The following RBM26 variants were observed in gnomAD, a reference collection of about 807,000 sequenced individuals.
RBM26 encodes the protein RNA binding motif protein 26.
Under a neutral mutation model 123.6 loss-of-function variants are expected in RBM26, and 30 were observed. The observed-to-expected ratio is 0.24, with a 90% CI of 0.18 to 0.33. The LOEUF is 0.33. Ranked by LOEUF, RBM26 falls within the 10% of genes least tolerant of loss-of-function variation. The pLI, the probability that RBM26 is intolerant of heterozygous loss-of-function variation, is 1.00. For missense variants in RBM26, 947 were observed against 1,203.6 expected (o/e 0.79, Z 3.15); for synonymous variants, 400 against 404.4 (o/e 0.99, Z 0.13).
At chr13:79,328,617 A>G (rs2068792096) in intron 20 of RBM26, among the ~76,000 whole-genome samples, 1 of 150,336 alleles carries the variant, frequency 6.7e-6, no homozygotes, top group South Asian at 2.1e-4. Flanking sequence ...TACAGCATAA[A>G]TGAAAATTCA....
intron 16 of RBM26, among the ~76,000 whole-genome samples, chr13:79,343,535 T>C (rs2071784838): frequency 6.6e-6 from 1 of 151,894 alleles, no homozygotes; most frequent in African/African-American, 2.4e-5. Context: ...CATTTTGAAA[T>C]GTCATACTAC....
At chr13:79,352,345 C>G (rs559852157) in intron 14 of RBM26, among the ~76,000 whole-genome samples, 2 of 152,126 alleles carry the variant, frequency 1.3e-5, no homozygotes, top group Non-Finnish European at 2.9e-5. Context: ...AATCATAACA[C>G]TGTTTGGGCC....
intron 1 of RBM26, among the ~76,000 whole-genome samples, chr13:79,393,567 T>C (rs1201835047): frequency 6.6e-6 from 1 of 152,180 alleles, no homozygotes; most frequent in Non-Finnish European, 1.5e-5. Context: ...TCCCTACTTG[T>C]AAGAGACCTG....
At chr13:79,311,910 TATAA>T (rs1370070272) in exon 5 of RBM26, 5 of 152,044 alleles carry the variant, frequency 3.3e-5, no homozygotes, top group East Asian at 1.9e-4. Context: ...ATAATTCAAC[TATAA>T]ATAATAAAAA....
chr13:79,342,441 A>G (rs867218381), intron 17 of RBM26, among the ~76,000 whole-genome samples: 8 of 151,924 alleles, frequency 5.3e-5, no homozygotes, highest in Middle Eastern at 6.8e-3. Context: ...AAGGTTACCC[A>G]TGACTATTTT....
intron 1 of RBM26, among the ~76,000 whole-genome samples, chr13:79,384,690 C>T (rs1566555017): frequency 6.6e-6 from 1 of 152,130 alleles, no homozygotes; most frequent in Non-Finnish European, 1.5e-5. Context: ...GAAGTACACA[C>T]ACTAAAGTTA....
intron 14 of RBM26, among the ~76,000 whole-genome samples, chr13:79,351,918 T>A (rs889749651): frequency 2.0e-5 from 3 of 152,262 alleles, no homozygotes; most frequent in Non-Finnish European, 4.4e-5. Flanking sequence ...GCTAGGGAAC[T>A]GAAGGTGGCA....
chr13:79,332,071 C>A (rs1332867889), intron 20 of RBM26, among the ~76,000 whole-genome samples: 1 of 152,140 alleles, frequency 6.6e-6, no homozygotes, highest in Admixed American at 6.5e-5. Flanking sequence ...TATTCTTGTA[C>A]TTTCATCTTG....
chr13:79,354,596 C>T, intron 12 of RBM26, 26 bp from the exon 13 acceptor site: 1 of 1,545,972 alleles, frequency 6.5e-7, no homozygotes, highest in African/African-American at 1.4e-5. Context: ...AAATGTTAAA[C>T]AAGTTGATTC....
At chr13:79,400,812 A>G (rs963960139) in intron 1 of RBM26, among the ~76,000 whole-genome samples, 3 of 152,226 alleles carry the variant, frequency 2.0e-5, no homozygotes, top group Non-Finnish European at 4.4e-5. Context: ...TTGATTGGTA[A>G]CACTGAGGTA....
chr13:79,394,642 A>G (rs563445889), intron 1 of RBM26, among the ~76,000 whole-genome samples: 1 of 152,170 alleles, frequency 6.6e-6, no homozygotes, highest in African/African-American at 2.4e-5. Context: ...ATTTTATTTT[A>G]TTTTTATTTT....
chr13:79,373,417 TAAATAAAATATAA>T (rs2076250124), intron 3 of RBM26, among the ~76,000 whole-genome samples: 1 of 11,304 alleles, frequency 8.8e-5, no homozygotes, highest in Non-Finnish European at 1.4e-4. Context: ...ATACTATATA[TAAATAAAATATAA>T]ATATATATTA....
intron 20 of RBM26, among the ~76,000 whole-genome samples, chr13:79,329,232 G>A (rs1406001150): frequency 2.0e-5 from 3 of 151,974 alleles, no homozygotes; most frequent in Non-Finnish European, 4.4e-5. Flanking sequence ...ACTTGTATGT[G>A]TGTATATATG....
At chr13:79,377,084 A>G in intron 3 of RBM26, 1 of 244,722 alleles carries the variant, frequency 4.1e-6, no homozygotes, top group Non-Finnish European at 8.0e-6. Flanking sequence ...CTGCTAGGGG[A>G]ATTAAGCACA....
intron 18 of RBM26, among the ~76,000 whole-genome samples, chr13:79,337,690 T>C (rs932751647): frequency 3.3e-5 from 5 of 152,240 alleles, no homozygotes; most frequent in Non-Finnish European, 4.4e-5. Context: ...TTTCCAGTTA[T>C]GATTTTCTAT....
chr13:79,378,843 C>T lies in RBM26; in HGVS notation c.136G>A (p.Glu46Lys). ...ATACATAATGCCTTTAACTCTTTTT[C>T]ACTTTTGTCTTTCTTTACCAAAGCC... ...VLALVKKDKS[E>K]KELKALCIDQ... Residue 46 changes from glutamate (E) to lysine (K), a missense_variant, in exon 2 of 22, where the codon GAA becomes AAA. Glu to Lys is a moderately conservative substitution (Grantham distance 56, BLOSUM62 1). This residue lies in a region of RBM26 where 275 missense variants were observed against 361.0 expected (regional missense o/e 0.76). Coordinates refer to ENST00000438737, the MANE Select transcript of RBM26 (RefSeq NM_001366735.2). The T allele has an allele frequency of 6.2e-7, 1 of 1,613,142 alleles. No individual in the cohort carries two copies. The highest frequency in any genetic ancestry group is 8.5e-7 in the Non-Finnish European group (1 of 1,179,306).
In RBM26 at chr13:79,403,386, T is replaced by C. The variant is rs1354441453; in HGVS notation, c.71+2318A>G. ...CATCGAGAGTAGGCTTTATGATACA[T>C]GGAATATGTTTCATTAAGACTAAAG... On this transcript the variant is annotated intron_variant, in intron 1 of 21. Transcript: ENST00000438737. 5.3e-5 allele frequency among the ~76,000 whole-genome samples: 8 copies of C among 152,108 alleles called. No homozygotes were observed. In the East Asian group the frequency reaches 1.5e-3, roughly 29 times the overall value.
chr13:79,345,611 T>C (rs1355272405), intron 14 of RBM26, among the ~76,000 whole-genome samples: 1 of 152,038 alleles, frequency 6.6e-6, no homozygotes, highest in Admixed American at 6.6e-5. Flanking sequence ...TAAGTACCAT[T>C]CTGGGCCTCA....
chr13:79,369,586 G>C (rs1241056168), intron 5 of RBM26, among the ~76,000 whole-genome samples: 1 of 152,068 alleles, frequency 6.6e-6, no homozygotes, highest in African/African-American at 2.4e-5. Context: ...ACAGAATACA[G>C]GGCTTATACA....
Sources: allele counts gnomAD v4.1 joint callset (sites outside exome capture counted in the v4.1 genomes callset), GRCh38; gene constraint gnomAD v4.1.1; regional missense constraint gnomAD v4.1.1; transcripts MANE v1.5; gene names NCBI Gene and HGNC (gene_info 2026-07-23, HGNC 2026-07-21).